Variants in CSMD1 observed in about 807,000 individuals in gnomAD.
CSMD1 encodes the protein CUB and sushi domain-containing protein 1.
A neutral mutation model predicts 417.5 loss-of-function variants in CSMD1; 213 were observed. That is an observed-to-expected ratio of 0.51 (90% confidence interval 0.46 to 0.57). The LOEUF (loss-of-function observed/expected upper bound fraction) is 0.57, where lower values mean the gene tolerates loss of function less well. CSMD1 is among the 20% of genes least tolerant of loss of function. The pLI is 0.00. For missense variants in CSMD1, 6,923 were observed against 4,529.7 expected, an observed-to-expected ratio of 1.53 and a Z score of -15.17; for synonymous variants, 2,862 against 1,736.8, an observed-to-expected ratio of 1.65 and a Z score of -16.11.
intron 8 of CSMD1, among the ~76,000 whole-genome samples, chr8:3,586,655 A>C (rs901948067): frequency 6.6e-6 from 1 of 152,230 alleles, no homozygotes; most frequent in East Asian, 1.9e-4. Context: ...ATTTTACAAA[A>C]ACAAGAAGTA....
chr8:4,303,666 A>G (rs1436933721), intron 3 of CSMD1, among the ~76,000 whole-genome samples: 1 of 151,732 alleles, frequency 6.6e-6, no homozygotes, highest in Admixed American at 6.6e-5. Context: ...TTTTTTATTT[A>G]TTTTTTTGAG....
At chr8:3,912,444 G>A (rs951000768) in intron 5 of CSMD1, among the ~76,000 whole-genome samples, 1 of 152,120 alleles carries the variant, frequency 6.6e-6, no homozygotes, top group East Asian at 1.9e-4. Context: ...AGTAGACCAG[G>A]GAAGACATTC....
intron 57 of CSMD1, among the ~76,000 whole-genome samples, chr8:2,970,374 C>G (rs1236014655): frequency 1.3e-5 from 2 of 152,200 alleles, no homozygotes; most frequent in African/African-American, 4.8e-5. Context: ...TAGAATATTT[C>G]ATATTCCACT....
chr8:4,168,908 T>C (rs377411032), intron 3 of CSMD1, among the ~76,000 whole-genome samples: 5 of 152,190 alleles, frequency 3.3e-5, no homozygotes, highest in Admixed American at 6.5e-5. Flanking sequence ...CAACCGCCAG[T>C]GCCAGGCCTT....
intron 3 of CSMD1, among the ~76,000 whole-genome samples, chr8:4,146,297 A>G (rs967124982): frequency 2.6e-5 from 4 of 150,998 alleles, no homozygotes; most frequent in Admixed American, 6.6e-5. Flanking sequence ...GCACAGTGCC[A>G]TAGCCTCTGC....
chr8:3,992,993 C>A (rs1200112083), intron 5 of CSMD1, among the ~76,000 whole-genome samples: 1 of 152,174 alleles, frequency 6.6e-6, no homozygotes, highest in Non-Finnish European at 1.5e-5. Context: ...TTGGACAGGG[C>A]CAAGGAGGCA....
chr8:3,450,968 C>T (rs1305659138), intron 12 of CSMD1, among the ~76,000 whole-genome samples: 1 of 152,136 alleles, frequency 6.6e-6, no homozygotes, highest in Non-Finnish European at 1.5e-5. Context: ...ACATCCTCTC[C>T]AGCACCTGTT....
chr8:4,499,563 A>T (rs564576304), intron 2 of CSMD1, among the ~76,000 whole-genome samples: 1 of 152,366 alleles, frequency 6.6e-6, no homozygotes, highest in African/African-American at 2.4e-5. Context: ...AACATATAAG[A>T]GGGCAATAAT....
At chr8:4,566,715 TACAA>T in intron 2 of CSMD1, among the ~76,000 whole-genome samples, 1 of 145,066 alleles carries the variant, frequency 6.9e-6, no homozygotes, top group South Asian at 2.2e-4. Context: ...AATACATATA[TACAA>T]ACAGTTTCAA....
At chr8:4,939,925 G>C (rs72624085) in intron 1 of CSMD1, among the ~76,000 whole-genome samples, 1 of 151,848 alleles carries the variant, frequency 6.6e-6, no homozygotes, top group East Asian at 1.9e-4. Flanking sequence ...ATACAATTTT[G>C]ATTTGTCAAT....
At chr8:4,052,096 A>G (rs1798462583) in intron 3 of CSMD1, among the ~76,000 whole-genome samples, 1 of 151,900 alleles carries the variant, frequency 6.6e-6, no homozygotes, top group South Asian at 2.1e-4. Flanking sequence ...TAATTTCTGT[A>G]TTTTTAAAAA....
intron 3 of CSMD1, among the ~76,000 whole-genome samples, chr8:4,368,562 T>A (rs1563101256): frequency 6.6e-6 from 1 of 152,156 alleles, no homozygotes; most frequent in Admixed American, 6.6e-5. Flanking sequence ...AGCTCTTTTT[T>A]GTACATCTGG....
intron 10 of CSMD1, among the ~76,000 whole-genome samples, chr8:3,546,661 T>C (rs76639815): frequency 1.3e-5 from 2 of 152,082 alleles, no homozygotes; most frequent in African/African-American, 4.8e-5. Context: ...AAATTACTCA[T>C]CAATGGGTAA....
At chr8:3,604,045 T>C (rs943764324) in intron 8 of CSMD1, among the ~76,000 whole-genome samples, 2 of 152,204 alleles carry the variant, frequency 1.3e-5, no homozygotes, top group African/African-American at 4.8e-5. Context: ...GCATTCCTGA[T>C]ATAAAAGTAA....
chr8:2,951,707 C>T (rs1369029590), intron 65 of CSMD1, among the ~76,000 whole-genome samples: 2 of 152,166 alleles, frequency 1.3e-5, no homozygotes, highest in Non-Finnish European at 2.9e-5. Flanking sequence ...CTCCAAAGAA[C>T]TGATATATAT....
intron 1 of CSMD1, among the ~76,000 whole-genome samples, chr8:4,742,763 A>T (rs1810706625): frequency 6.6e-6 from 1 of 152,200 alleles, no homozygotes; most frequent in Admixed American, 6.5e-5. Context: ...TGGTCTATTA[A>T]ATGCCATGTC....
intron 5 of CSMD1, among the ~76,000 whole-genome samples, chr8:3,961,350 C>T (rs991298976): frequency 6.6e-6 from 1 of 152,138 alleles, no homozygotes; most frequent in Non-Finnish European, 1.5e-5. Flanking sequence ...CCGGGTAAGC[C>T]ACTGAAGAAC....
chr8:4,217,216 CTCT>C (rs1288959286), intron 3 of CSMD1, among the ~76,000 whole-genome samples: 1 of 152,170 alleles, frequency 6.6e-6, no homozygotes, highest in Non-Finnish European at 1.5e-5. Context: ...GCAACAATTA[CTCT>C]TCTTGATATA....
chr8:4,651,252 T>C (rs780368663), intron 1 of CSMD1, among the ~76,000 whole-genome samples: 1 of 152,224 alleles, frequency 6.6e-6, no homozygotes, highest in Non-Finnish European at 1.5e-5. Flanking sequence ...AGGACAGTTT[T>C]ATAAATCATA....
Sources: gnomAD v4.1 joint callset for allele counts (sites outside exome capture counted in the v4.1 genomes callset) on GRCh38, gnomAD v4.1.1 for gene constraint, MANE v1.5 for transcripts, NCBI Gene and HGNC (gene_info 2026-07-23, HGNC 2026-07-21) for gene names.